Variants in TBC1D12 observed in about 807,000 individuals in gnomAD.
TBC1D12 encodes the protein TBC1 domain family, member 12.
A neutral mutation model predicts 86.7 loss-of-function variants in TBC1D12; 56 were observed. That is an observed-to-expected ratio of 0.65 (90% CI 0.52 to 0.81). The LOEUF (loss-of-function observed/expected upper bound fraction) is 0.81, where lower values mean the gene tolerates loss of function less well. Ranked by LOEUF, TBC1D12 falls within the 30% of genes least tolerant of loss-of-function variation. The pLI is 0.00. For synonymous variants in TBC1D12, 421 were observed against 411.7 expected (o/e 1.02, Z -0.27); for missense variants, 1,023 against 1,038.8 (o/e 0.98, Z 0.21).
intron 1 of TBC1D12, among the ~76,000 whole-genome samples, chr10:94,421,047 A>C (rs1245227746): frequency 2.0e-5 from 3 of 152,168 alleles, no homozygotes; most frequent in Non-Finnish European, 2.9e-5. Flanking sequence ...TATTATTATT[A>C]ACTATAGTCA....
intron 6 of TBC1D12, among the ~76,000 whole-genome samples, chr10:94,505,681 T>C (rs911872350): frequency 6.6e-6 from 1 of 152,118 alleles, no homozygotes; most frequent in African/African-American, 2.4e-5. Context: ...AAGATTAGAA[T>C]AGTAAGAGTC....
intron 2 of TBC1D12, among the ~76,000 whole-genome samples, chr10:94,465,812 A>G (rs1039913773): frequency 3.3e-5 from 5 of 151,208 alleles, no homozygotes; most frequent in African/African-American, 1.2e-4. Context: ...ACATATACGC[A>G]TACATACACA....
chr10:94,433,686 G>T (rs75126517), intron 1 of TBC1D12, among the ~76,000 whole-genome samples: 4,845 of 152,146 alleles, frequency 0.032, 121 homozygotes, highest in Middle Eastern at 0.065. Flanking sequence ...CTTTCCTTTG[G>T]TATAACTTCA....
In TBC1D12 at chr10:94,535,637, G is replaced by T. The variant is rs1377335169; in HGVS notation, c.*2541G>T. On this transcript the variant is annotated 3_prime_UTR_variant, in exon 13 of 13. Coordinates refer to ENST00000225235, the MANE Select transcript of TBC1D12 (RefSeq NM_015188.2). ...CCATGGTCTTAGCAGGTTTTAGAATGACCTTTTAACTCCAGTAACTACTTC... is the reference window on the plus strand; with the variant it reads ...CCATGGTCTTAGCAGGTTTTAGAATTACCTTTTAACTCCAGTAACTACTTC... 1 of 152,092 alleles carries T rather than the reference G, an allele frequency of 6.6e-6. No individual in the cohort carries two copies. Among genetic ancestry groups the T allele is most frequent in the Admixed American group, 6.6e-5 (1 of 15,258 alleles). The allele number at this position is 152,092 out of a possible 1,614,324, so 9.4% of individuals were successfully genotyped here. A position where few individuals can be genotyped will look rare whatever the true frequency, so the allele number is the denominator to read the frequency against.
chr10:94,527,419 A>G (rs1421019964), intron 11 of TBC1D12, among the ~76,000 whole-genome samples: 4 of 148,512 alleles, frequency 2.7e-5, no homozygotes, highest in African/African-American at 9.9e-5. Flanking sequence ...TGCTGTTGAG[A>G]TATTTAAGTT....
chr10:94,476,412 C>T lies in TBC1D12; in HGVS notation c.1211+1629C>T, dbSNP rs115465073. The stretch of plus-strand genomic sequence containing the variant: ...TTGTCTTTTCATTGTTTAAAAAAAG[C>T]GTTTTAGAAACTTAGTTATGAGAAC... On this transcript the variant is annotated intron_variant, in intron 3 of 12. Transcript: ENST00000225235. Among the ~76,000 whole-genome samples, 1,170 of 152,040 alleles carry T rather than the reference C, an allele frequency of 7.7e-3. 16 individuals carry two copies. Among genetic ancestry groups the T allele is most frequent in the African/African-American group, 0.027 (1,109 of 41,468 alleles).
At chr10:94,411,850 C>T (rs1364886611) in intron 1 of TBC1D12, among the ~76,000 whole-genome samples, 2 of 152,102 alleles carry the variant, frequency 1.3e-5, no homozygotes, top group South Asian at 4.1e-4. Context: ...CACAGTTACT[C>T]GGGAGGCTGA....
intron 1 of TBC1D12, among the ~76,000 whole-genome samples, chr10:94,404,649 A>G (rs1246907784): frequency 6.9e-5 from 3 of 43,318 alleles, no homozygotes; most frequent in African/African-American, 1.9e-4. Context: ...TCCGTCTTTC[A>G]AAAAAAAAAA....
intron 1 of TBC1D12, among the ~76,000 whole-genome samples, chr10:94,420,019 A>T (rs1316542903): frequency 6.6e-6 from 1 of 152,158 alleles, no homozygotes; most frequent in Non-Finnish European, 1.5e-5. Context: ...AGTGGAATAT[A>T]TTGCTGTGGA....
In TBC1D12 at chr10:94,507,154, G is replaced by T; in HGVS notation, c.1520-113G>T. 3 of 978,160 alleles carry T rather than the reference G, an allele frequency of 3.1e-6. 1 individual carries two copies. Among genetic ancestry groups the T allele is most frequent in the Admixed American group, 2.7e-5 (1 of 36,994 alleles). 60.6% of individuals were successfully genotyped at this position (978,160 alleles called of 1,614,324 possible). ...TACTTAGATTTGCCACTTTTTTGAT[G>T]CTTGCTACATCAGAGAGACCTGACC... On this transcript the variant is annotated intron_variant, in intron 6 of 12. Coordinates refer to ENST00000225235, the MANE Select transcript of TBC1D12 (RefSeq NM_015188.2).
intron 1 of TBC1D12, 58 bp downstream of exon 1, chr10:94,403,642 G>A: frequency 5.0e-6 from 7 of 1,401,294 alleles, no homozygotes; most frequent in Non-Finnish European, 5.5e-6. Flanking sequence ...CGGAGCCGGG[G>A]TCTTGGTGGG....
intron 5 of TBC1D12, among the ~76,000 whole-genome samples, chr10:94,498,532 C>T (rs1479938278): frequency 6.6e-6 from 1 of 152,140 alleles, no homozygotes; most frequent in Admixed American, 6.5e-5. Context: ...CAGCTCACTG[C>T]AACCTCTACC....
At chr10:94,483,039 CTTT>C (rs71031579) in intron 3 of TBC1D12, among the ~76,000 whole-genome samples, 4 of 124,620 alleles carry the variant, frequency 3.2e-5, no homozygotes, top group Admixed American at 2.6e-4. Context: ...TATTCTTCTT[CTTT>C]TTTTTTTTTT....
chr10:94,520,934 T>A (rs1842134582), intron 9 of TBC1D12, among the ~76,000 whole-genome samples: 1 of 152,194 alleles, frequency 6.6e-6, no homozygotes, highest in African/African-American at 2.4e-5. Context: ...GTGTTGGGAT[T>A]ACAGGCGTGA....
At chr10:94,478,500 A>G (rs1013138116) in intron 3 of TBC1D12, among the ~76,000 whole-genome samples, 1 of 152,096 alleles carries the variant, frequency 6.6e-6, no homozygotes, top group Non-Finnish European at 1.5e-5. Flanking sequence ...CATGAGGTCA[A>G]AAGATTGAGA....
rs1359563156 is a variant in TBC1D12 at position 94,533,492 on chromosome 10, C to T, written c.*396C>T. The T allele has an allele frequency of 5.8e-6, 1 of 172,594 alleles. No individual in the cohort carries two copies. The highest frequency in any genetic ancestry group is 1.2e-5 in the Non-Finnish European group (1 of 82,508). 10.7% of individuals were successfully genotyped at this position (172,594 alleles called of 1,614,324 possible). On this transcript the variant is annotated 3_prime_UTR_variant, in exon 13 of 13. Coordinates refer to ENST00000225235, the MANE Select transcript of TBC1D12 (RefSeq NM_015188.2). The stretch of plus-strand genomic sequence containing the variant: ...ATTGTTAAATACTACTGTTAACCTC[C>T]AAAGTACTATAGTACAGACATTGTT...
chr10:94,531,907 T>TTATGTTATGTTA (rs1283530056), intron 12 of TBC1D12, among the ~76,000 whole-genome samples: 1 of 151,068 alleles, frequency 6.6e-6, no homozygotes, highest in Non-Finnish European at 1.5e-5. Flanking sequence ...TTATGTTATG[T>TTATGTTATGTTA]TATTTTATTG....
rs4351744 is a variant in TBC1D12, at chr10:94,488,080, T to A, written c.1212-5285T>A. Among the ~76,000 whole-genome samples the A allele has an allele frequency of 7.6e-3, 1,155 of 151,866 alleles. 16 individuals are homozygous for A. Among genetic ancestry groups the A allele is most frequent in the African/African-American group, 0.027 (1,103 of 41,410 alleles). On this transcript the variant is annotated intron_variant, in intron 3 of 12. Coordinates refer to ENST00000225235, the MANE Select transcript of TBC1D12 (RefSeq NM_015188.2). ...AGGTATTATTTTTTATTGGTTCATC[T>A]TTTAATCTTTCTACTTAAGAGTAGG...
chr10:94,487,539 A>C (rs2056183542), intron 3 of TBC1D12, among the ~76,000 whole-genome samples: 1 of 151,722 alleles, frequency 6.6e-6, no homozygotes, highest in Non-Finnish European at 1.5e-5. Flanking sequence ...CCATTATTTT[A>C]AACTGATGAC....
Sources: allele counts gnomAD v4.1 joint callset (sites outside exome capture counted in the v4.1 genomes callset), GRCh38; gene constraint gnomAD v4.1.1; transcripts MANE v1.5; gene names NCBI Gene and HGNC (gene_info 2026-07-23, HGNC 2026-07-21).